The following MARCHF1 variants were observed in gnomAD, a reference collection of about 807,000 sequenced individuals.
The protein encoded by MARCHF1 is E3 ubiquitin-protein ligase MARCHF1.
MARCHF1 carries 40 observed loss-of-function variants against 54.2 expected under a neutral mutation model. The observed-to-expected ratio is 0.74, with a 90% CI of 0.57 to 0.96. MARCHF1 has a LOEUF of 0.96. MARCHF1 is among the 40% of genes least tolerant of loss of function. MARCHF1 has a pLI of 0.00. For synonymous variants in MARCHF1, 236 were observed against 236.3 expected, an observed-to-expected ratio of 1.00 and a Z score of 0.01; for missense variants, 586 against 656.5, an observed-to-expected ratio of 0.89 and a Z score of 1.17.
In MARCHF1 at chr4:164,359,106, T is replaced by C. The variant is rs553807084; in HGVS notation, c.-323+24764A>G. 2.0e-5 allele frequency among the ~76,000 whole-genome samples: 3 copies of C among 152,270 alleles called. 1 individual carries two copies. The highest frequency in any genetic ancestry group is 7.2e-5 in the African/African-American group (3 of 41,550). On this transcript the variant is annotated intron_variant, in intron 1 of 9. Coordinates refer to ENST00000514618, the MANE Select transcript of MARCHF1 (RefSeq NM_001394959.1). ...GTAAACATTTCTAGTGCGATAGATA[T>C]ATGTAATAGGAAAGCAATTCTGTTG...
chr4:163,741,518 G>A (rs1253530773), intron 4 of MARCHF1, among the ~76,000 whole-genome samples: 2 of 152,066 alleles, frequency 1.3e-5, no homozygotes, highest in African/African-American at 2.4e-5. Flanking sequence ...AGGAGATGGA[G>A]GTTGCAGTGA....
At chr4:163,983,043 G>T (rs1413163480) in intron 3 of MARCHF1, among the ~76,000 whole-genome samples, 1 of 152,108 alleles carries the variant, frequency 6.6e-6, no homozygotes, top group Non-Finnish European at 1.5e-5. Context: ...TCTGAACACT[G>T]TTACCAGAAG....
At chr4:163,928,848 T>C (rs1327502117) in intron 3 of MARCHF1, among the ~76,000 whole-genome samples, 1 of 151,888 alleles carries the variant, frequency 6.6e-6, no homozygotes, top group Admixed American at 6.6e-5. Context: ...AATTAAAATA[T>C]ATTATTTTCT....
rs528053352 is a variant in MARCHF1, at chr4:164,232,764, G to C, written c.-322-121102C>G. 3.3e-5 allele frequency among the ~76,000 whole-genome samples: 5 copies of C among 151,882 alleles called. No homozygotes were observed. In the South Asian group the frequency reaches 6.2e-4, roughly 19 times the overall value. ...ATTATTCTTTGCTTGGCTGGTTAAA[G>C]AGTATTTAAGTTAGAGAAATTGTAT... On this transcript the variant is annotated intron_variant, in intron 1 of 9. Transcript: ENST00000514618.
chr4:164,320,958 T>C (rs79173005), intron 1 of MARCHF1, among the ~76,000 whole-genome samples: 4,591 of 152,268 alleles, frequency 0.03, 193 homozygotes, highest in African/African-American at 0.1. Flanking sequence ...AGAGATCTTA[T>C]ACAGCTTTTC....
At chr4:163,606,034 A>G (rs191020601) in intron 7 of MARCHF1, among the ~76,000 whole-genome samples, 2 of 152,270 alleles carry the variant, frequency 1.3e-5, no homozygotes, top group Non-Finnish European at 2.9e-5. Flanking sequence ...CTGCACATGC[A>G]TCCCAGAACT....
intron 1 of MARCHF1, among the ~76,000 whole-genome samples, chr4:164,357,110 T>A (rs1730577208): frequency 4.6e-5 from 5 of 109,322 alleles, no homozygotes; most frequent in Admixed American, 4.2e-4. Flanking sequence ...AACTTAAGTT[T>A]TTTTTTAAGA....
chr4:164,221,699 T>G (rs549673011), intron 1 of MARCHF1, among the ~76,000 whole-genome samples: 1 of 152,134 alleles, frequency 6.6e-6, no homozygotes, highest in Non-Finnish European at 1.5e-5. Context: ...TTTGATGATT[T>G]TTATACTCTT....
intron 3 of MARCHF1, among the ~76,000 whole-genome samples, chr4:163,876,116 T>TA (rs1329386986): frequency 6.6e-6 from 1 of 152,142 alleles, no homozygotes; most frequent in Non-Finnish European, 1.5e-5. Context: ...CCCTAGACAG[T>TA]AAAAATTGAT....
In MARCHF1 at chr4:164,177,379, G is replaced by C. The variant is rs118049460; in HGVS notation, c.-322-65717C>G. On this transcript the variant is annotated intron_variant, in intron 1 of 9. Transcript: ENST00000514618. ...CACACAATAAATAAGGGACAGAACT[G>C]AACACAGAATCGAGGTTCTTTGATT... Among the ~76,000 whole-genome samples the C allele has an allele frequency of 6.9e-4, 105 of 152,222 alleles. No homozygotes were observed. In the East Asian group the frequency reaches 0.016, roughly 23 times the overall value.
At chr4:164,239,188 C>A (rs916651524) in intron 1 of MARCHF1, among the ~76,000 whole-genome samples, 1 of 151,958 alleles carries the variant, frequency 6.6e-6, no homozygotes, top group Non-Finnish European at 1.5e-5. Context: ...AATTGGTGGA[C>A]TTTGGTCCCA....
At chr4:163,929,111 T>C (rs1751599799) in intron 3 of MARCHF1, among the ~76,000 whole-genome samples, 1 of 152,032 alleles carries the variant, frequency 6.6e-6, no homozygotes, top group Non-Finnish European at 1.5e-5. Context: ...GTAGGATACT[T>C]TCTCTCATCA....
At chr4:163,873,868 T>C (rs967416031) in intron 3 of MARCHF1, among the ~76,000 whole-genome samples, 2 of 152,198 alleles carry the variant, frequency 1.3e-5, no homozygotes, top group Non-Finnish European at 2.9e-5. Flanking sequence ...TTTACCCTCA[T>C]GTGTGCTACT....
At chr4:163,744,853 G>A (rs1746310726) in intron 4 of MARCHF1, among the ~76,000 whole-genome samples, 1 of 151,822 alleles carries the variant, frequency 6.6e-6, no homozygotes, top group African/African-American at 2.4e-5. Flanking sequence ...AAAATATATT[G>A]ACTAAAGATA....
chr4:164,298,489 G>T (rs185786741), intron 1 of MARCHF1, among the ~76,000 whole-genome samples: 1 of 152,096 alleles, frequency 6.6e-6, no homozygotes, highest in East Asian at 1.9e-4. Flanking sequence ...AGCCCAGAAC[G>T]TGGACAATTC....
chr4:163,896,640 C>T lies in MARCHF1; in HGVS notation c.-38-42471G>A, dbSNP rs77798633. ...TGGCCTCTCTCTCCTTTGTTTGAAA[C>T]ATAGTTGGCAGATAAGTTTTCCTGA... On this transcript the variant is annotated intron_variant, in intron 3 of 9. Coordinates refer to ENST00000514618, the MANE Select transcript of MARCHF1 (RefSeq NM_001394959.1). 5.4e-3 allele frequency among the ~76,000 whole-genome samples: 829 copies of T among 152,266 alleles called. 11 individuals are homozygous for T. The highest frequency in any genetic ancestry group is 0.021 in the Middle Eastern group (6 of 292).
At chr4:164,197,312 G>C (rs745709658) in intron 1 of MARCHF1, 1 of 1,612,136 alleles carries the variant, frequency 6.2e-7, no homozygotes, top group East Asian at 2.2e-5. Flanking sequence ...TGCAGGAGAA[G>C]CTTGAACACG....
At chr4:164,367,751 T>C (rs1730916723) in intron 1 of MARCHF1, among the ~76,000 whole-genome samples, 1 of 152,018 alleles carries the variant, frequency 6.6e-6, no homozygotes, top group Non-Finnish European at 1.5e-5. Flanking sequence ...TCTAAAACAA[T>C]TTAAATTGAA....
At chr4:164,119,745 G>A (rs1315622753) in intron 1 of MARCHF1, among the ~76,000 whole-genome samples, 1 of 151,682 alleles carries the variant, frequency 6.6e-6, no homozygotes, top group Non-Finnish European at 1.5e-5. Flanking sequence ...TGAAACTAAG[G>A]CTAAAGCAGG....
Sources: gnomAD v4.1 joint callset for allele counts (sites outside exome capture counted in the v4.1 genomes callset) on GRCh38, gnomAD v4.1.1 for gene constraint, MANE v1.5 for transcripts, NCBI Gene and HGNC (gene_info 2026-07-23, HGNC 2026-07-21) for gene names.